POU2F1: variants seen among roughly 807,000 people sequenced by gnomAD.
POU2F1 encodes POU domain, class 2, transcription factor 1.
A neutral mutation model predicts 84.9 loss-of-function variants in POU2F1; 16 were observed. The ratio of observed to expected loss-of-function variants is 0.19; its 90% CI spans 0.13 to 0.29. The LOEUF (loss-of-function observed/expected upper bound fraction) is 0.29, where lower values mean the gene tolerates loss of function less well. Ranked by LOEUF, POU2F1 falls within the 10% of genes least tolerant of loss-of-function variation. POU2F1 has a pLI of 1.00. For synonymous variants in POU2F1, 368 were observed against 368.3 expected (o/e 1.00, Z 0.01); for missense variants, 738 against 942.6 (o/e 0.78, Z 2.84).
chr1:167,312,975 A>C (rs1405659675), intron 1 of POU2F1, among the ~76,000 whole-genome samples: 1 of 152,236 alleles, frequency 6.6e-6, no homozygotes, highest in African/African-American at 2.4e-5. Context: ...AGGCTATGCC[A>C]TATAGCCTAG....
chr1:167,279,526 T>C (rs1652967685), intron 1 of POU2F1, among the ~76,000 whole-genome samples: 1 of 152,000 alleles, frequency 6.6e-6, no homozygotes, highest in Non-Finnish European at 1.5e-5. Context: ...AGAGGAAAAA[T>C]GTGATTCTTG....
chr1:167,383,613 T>C (rs1647730423), intron 7 of POU2F1: 1 of 321,430 alleles, frequency 3.1e-6, no homozygotes, highest in South Asian at 4.6e-5. Context: ...GATTGACCTA[T>C]CACAGAGCTT....
intron 1 of POU2F1, among the ~76,000 whole-genome samples, chr1:167,242,052 T>A (rs1385324321): frequency 6.6e-6 from 1 of 152,226 alleles, no homozygotes; most frequent in Non-Finnish European, 1.5e-5. Context: ...GCTTTGTTAT[T>A]GCCAATTGCT....
intron 1 of POU2F1, among the ~76,000 whole-genome samples, chr1:167,274,629 A>T (rs1222160722): frequency 6.6e-6 from 1 of 151,994 alleles, no homozygotes; most frequent in Admixed American, 6.6e-5. Flanking sequence ...AATTACTCTG[A>T]ATTTTAACAC....
chr1:167,331,916 T>C (rs1657104738), intron 1 of POU2F1, among the ~76,000 whole-genome samples: 1 of 152,114 alleles, frequency 6.6e-6, no homozygotes, highest in African/African-American at 2.4e-5. Context: ...GTTCTCACTT[T>C]GACTTGTTTA....
At chr1:167,301,389 T>C (rs917123003) in intron 1 of POU2F1, among the ~76,000 whole-genome samples, 1 of 152,262 alleles carries the variant, frequency 6.6e-6, no homozygotes, top group Non-Finnish European at 1.5e-5. Flanking sequence ...GTTTAACATT[T>C]CAAGCAAAGA....
chr1:167,383,929 C>G lies in POU2F1; in HGVS notation c.791C>G (p.Pro264Arg), dbSNP rs755768175. Reference sequence around the variant, plus strand: ...CAAGCCAACCTCCTACAGTCGCAGCCAAGCATCACCCTCACCTCCCAGGTC... The same window carrying G: ...CAAGCCAACCTCCTACAGTCGCAGCGAAGCATCACCCTCACCTCCCAGGTC... Reference protein sequence around the residue: ...QSQANLLQSQPSITLTSQPAT... With the variant: ...QSQANLLQSQRSITLTSQPAT... Residue 264 changes from proline (P) to arginine (R), a missense_variant, in exon 8 of 16, where the codon CCA (proline) becomes CGA (arginine). Pro to Arg is a moderately radical substitution (Grantham distance 103, BLOSUM62 -2). Transcript: ENST00000367866. 6.2e-7 allele frequency: 1 copy of G among 1,613,614 alleles called. No homozygotes were observed. The highest frequency in any genetic ancestry group is 8.5e-7 in the Non-Finnish European group (1 of 1,179,700).
At chr1:167,300,466 T>C (rs1279339929) in intron 1 of POU2F1, among the ~76,000 whole-genome samples, 1 of 152,182 alleles carries the variant, frequency 6.6e-6, no homozygotes, top group Non-Finnish European at 1.5e-5. Flanking sequence ...AAAACTCTTA[T>C]TTTTTATTTA....
chr1:167,340,431 C>CTTTTTTTTT (rs761386225), intron 2 of POU2F1, among the ~76,000 whole-genome samples: 20 of 122,318 alleles, frequency 1.6e-4, no homozygotes, highest in African/African-American at 3.1e-4. Context: ...TTCTTTTTTT[C>CTTTTTTTTT]TTTTTTTTTT....
intron 1 of POU2F1, among the ~76,000 whole-genome samples, chr1:167,308,323 T>G (rs1331329359): frequency 2.6e-5 from 4 of 152,168 alleles, no homozygotes; most frequent in African/African-American, 9.7e-5. Flanking sequence ...TGCCTCGGCC[T>G]CCCAAAGTGC....
chr1:167,380,159 C>T (rs774258627), intron 7 of POU2F1: 1 of 152,324 alleles, frequency 6.6e-6, no homozygotes, highest in Non-Finnish European at 1.5e-5. Flanking sequence ...CAAACTGTCT[C>T]TTTGTGAATC....
At chr1:167,377,974 A>G (rs1260563523) in intron 7 of POU2F1, among the ~76,000 whole-genome samples, 1 of 151,974 alleles carries the variant, frequency 6.6e-6, no homozygotes, top group Non-Finnish European at 1.5e-5. Context: ...GGTTGATTCC[A>G]TGTCTTTGCT....
chr1:167,395,933 T>G (rs1648777133), intron 9 of POU2F1, among the ~76,000 whole-genome samples: 1 of 152,226 alleles, frequency 6.6e-6, no homozygotes, highest in African/African-American at 2.4e-5. Context: ...AAAAATTACT[T>G]AAATCACTTT....
rs1216824096 is a variant in POU2F1, at chr1:167,416,713, G to A, written c.*903G>A. ...GTGCCTTTGGAGCACTTTTGTGTAG[G>A]AAGGAATTCCTGCTGAACTGTAGCT... On this transcript the variant is annotated 3_prime_UTR_variant, in exon 16 of 16. Coordinates refer to ENST00000367866, the MANE Select transcript of POU2F1 (RefSeq NM_002697.4). The A allele has an allele frequency of 6.6e-6, 1 of 152,364 alleles. No individual in the cohort carries two copies. Among genetic ancestry groups the A allele is most frequent in the East Asian group, 1.9e-4 (1 of 5,214 alleles). 9.4% of individuals were successfully genotyped at this position (152,364 alleles called of 1,614,324 possible). A position where few individuals can be genotyped will look rare whatever the true frequency, so the allele number is the denominator to read the frequency against.
chr1:167,322,625 G>C (rs1322293245), intron 1 of POU2F1, among the ~76,000 whole-genome samples: 2 of 152,168 alleles, frequency 1.3e-5, no homozygotes, highest in African/African-American at 4.8e-5. Context: ...AGACCAGGTC[G>C]GTCATGGAGA....
At chr1:167,366,778 A>C (rs1244797091) in intron 3 of POU2F1, among the ~76,000 whole-genome samples, 1 of 152,200 alleles carries the variant, frequency 6.6e-6, no homozygotes, top group Non-Finnish European at 1.5e-5. Context: ...AAATGTTTTC[A>C]TGTTGATTTT....
intron 13 of POU2F1, among the ~76,000 whole-genome samples, chr1:167,403,249 A>T (rs1181805218): frequency 2.6e-5 from 4 of 152,092 alleles, no homozygotes; most frequent in Non-Finnish European, 4.4e-5. Context: ...TTCTCTTTAA[A>T]TCCTTTTTAT....
chr1:167,228,855 G>A (rs901304119), intron 1 of POU2F1, among the ~76,000 whole-genome samples: 16 of 152,166 alleles, frequency 1.1e-4, no homozygotes, highest in African/African-American at 3.9e-4. Context: ...CAGTGATAAT[G>A]TCTGTATTTT....
chr1:167,405,980 G>A (rs137946304), intron 13 of POU2F1, among the ~76,000 whole-genome samples: 221 of 152,196 alleles, frequency 1.5e-3, no homozygotes, highest in African/African-American at 4.8e-3. Flanking sequence ...ATTAAAACAT[G>A]CATCAAAGAA....
Sources: allele counts gnomAD v4.1 joint callset (sites outside exome capture counted in the v4.1 genomes callset), GRCh38; gene constraint gnomAD v4.1.1; transcripts MANE v1.5; gene names NCBI Gene and HGNC (gene_info 2026-07-23, HGNC 2026-07-21).